BANK1: variants seen among roughly 807,000 people sequenced by gnomAD.
BANK1 encodes the protein B-cell scaffold protein with ankyrin repeats.
A neutral mutation model predicts 94.5 loss-of-function variants in BANK1; 95 were observed. The observed-to-expected ratio is 1.00, with a 90% CI of 0.85 to 1.19. BANK1 has a LOEUF of 1.19. BANK1 is among the 50% of genes most tolerant of loss of function. The probability of loss-of-function intolerance (pLI) is 0.00; values close to 1 mark genes in which losing one functional copy is unlikely to be tolerated. For missense variants in BANK1, 987 were observed against 932.2 expected, an observed-to-expected ratio of 1.06 and a Z score of -0.77; for synonymous variants, 334 against 308.4, an observed-to-expected ratio of 1.08 and a Z score of -0.87.
chr4:101,960,786 G>A (rs1311868449), intron 7 of BANK1, among the ~76,000 whole-genome samples: 1 of 151,538 alleles, frequency 6.6e-6, no homozygotes, highest in African/African-American at 2.4e-5. Flanking sequence ...TTAAGTAACT[G>A]TTCAATTAAT....
chr4:101,867,364 A>G (rs1159141937), intron 4 of BANK1, among the ~76,000 whole-genome samples: 2 of 152,052 alleles, frequency 1.3e-5, no homozygotes, highest in Non-Finnish European at 2.9e-5. Context: ...AAACAGAAAA[A>G]TGAAGGAGTT....
intron 1 of BANK1, among the ~76,000 whole-genome samples, chr4:101,791,179 T>G (rs1273866333): frequency 1.4e-5 from 2 of 148,106 alleles, no homozygotes; most frequent in African/African-American, 4.9e-5. Flanking sequence ...CTGGGAGTTC[T>G]GGCCAGCGGG....
intron 7 of BANK1, among the ~76,000 whole-genome samples, chr4:101,963,536 A>G (rs183555850): frequency 1.3e-5 from 2 of 152,242 alleles, no homozygotes; most frequent in South Asian, 2.1e-4. Flanking sequence ...ACTGGGTATT[A>G]GTAGCCAGCT....
intron 7 of BANK1, among the ~76,000 whole-genome samples, chr4:101,941,052 A>G (rs530292467): frequency 2.4e-4 from 36 of 151,826 alleles, no homozygotes; most frequent in African/African-American, 8.7e-4. Context: ...GCAATCATTT[A>G]TTTATATCTG....
chr4:102,007,064 A>ATTTATATATATAAAT (rs1560681817), intron 7 of BANK1, among the ~76,000 whole-genome samples: 6 of 111,560 alleles, frequency 5.4e-5, no homozygotes, highest in African/African-American at 2.0e-4. Context: ...TAAAATATAT[A>ATTTATATATATAAAT]ATTTTATATA....
At chr4:101,817,697 A>G (rs61105961) in intron 1 of BANK1, among the ~76,000 whole-genome samples, 201 of 137,028 alleles carry the variant, frequency 1.5e-3, no homozygotes, top group African/African-American at 5.2e-3. Context: ...AAAAGTTGGA[A>G]ATAAAAAAAA....
intron 5 of BANK1, among the ~76,000 whole-genome samples, chr4:101,889,604 CAAAAAAAAAAAAAAA>C (rs59341810): frequency 3.6e-5 from 2 of 54,926 alleles, no homozygotes; most frequent in East Asian, 1.2e-3. Context: ...GACTCCGTCT[CAAAAAAAAAAAAAAA>C]AAAAAAAAAG....
intron 1 of BANK1, among the ~76,000 whole-genome samples, chr4:101,809,376 G>T (rs1398078961): frequency 6.6e-6 from 1 of 152,054 alleles, no homozygotes; most frequent in East Asian, 1.9e-4. Context: ...AGGGATAAAA[G>T]ACTACATATT....
At chr4:102,060,637 T>C (rs1332225767) in intron 12 of BANK1, among the ~76,000 whole-genome samples, 1 of 152,218 alleles carries the variant, frequency 6.6e-6, no homozygotes, top group Non-Finnish European at 1.5e-5. Flanking sequence ...AATACCTGTC[T>C]TTAGTAGAGT....
chr4:101,886,485 A>G (rs1302959301), intron 5 of BANK1, among the ~76,000 whole-genome samples: 1 of 152,238 alleles, frequency 6.6e-6, no homozygotes, highest in Middle Eastern at 3.2e-3. Flanking sequence ...TCATTTATAG[A>G]AAGCATTTTT....
intron 6 of BANK1, among the ~76,000 whole-genome samples, chr4:101,898,115 AC>A (rs1722154723): frequency 6.6e-6 from 1 of 151,942 alleles, no homozygotes; most frequent in East Asian, 1.9e-4. Context: ...AATCTCCATA[AC>A]ATTAAGCTCT....
At chr4:101,873,150 G>A (rs181868009) in intron 5 of BANK1, among the ~76,000 whole-genome samples, 2 of 152,132 alleles carry the variant, frequency 1.3e-5, no homozygotes, top group Admixed American at 6.5e-5. Context: ...TTTGCCCGTG[G>A]TTCACTCTGA....
At chr4:101,946,678 A>G (rs1284940643) in intron 7 of BANK1, among the ~76,000 whole-genome samples, 1 of 152,016 alleles carries the variant, frequency 6.6e-6, no homozygotes, top group East Asian at 1.9e-4. Context: ...ATATCTGGTC[A>G]TTAAAACATA....
At chr4:101,955,032 C>T (rs1342123552) in intron 7 of BANK1, among the ~76,000 whole-genome samples, 1 of 152,058 alleles carries the variant, frequency 6.6e-6, no homozygotes, top group African/African-American at 2.4e-5. Flanking sequence ...AGATTATGTT[C>T]ATGTGTTAGT....
At chr4:101,861,662 G>C (rs1342134268) in intron 3 of BANK1, among the ~76,000 whole-genome samples, 2 of 151,454 alleles carry the variant, frequency 1.3e-5, no homozygotes, top group Non-Finnish European at 3.0e-5. Context: ...CATTTATTTT[G>C]GTATGTGTAT....
chr4:101,966,483 G>A (rs759335756), intron 7 of BANK1, among the ~76,000 whole-genome samples: 3 of 151,960 alleles, frequency 2.0e-5, no homozygotes, highest in Non-Finnish European at 2.9e-5. Context: ...ATAGAGTATG[G>A]TTAGTGCAAT....
intron 7 of BANK1, among the ~76,000 whole-genome samples, chr4:101,951,945 G>A (rs1488372782): frequency 2.0e-5 from 3 of 151,946 alleles, no homozygotes; most frequent in East Asian, 1.9e-4. Context: ...CTCAGTTATA[G>A]CAAGCAAATG....
chr4:102,016,696 G>A (rs956033899), intron 7 of BANK1, among the ~76,000 whole-genome samples: 2 of 152,098 alleles, frequency 1.3e-5, no homozygotes, highest in African/African-American at 4.8e-5. Context: ...TAACATTTGT[G>A]ATTTACTTAA....
intron 7 of BANK1, among the ~76,000 whole-genome samples, chr4:101,971,833 C>T (rs976321559): frequency 3.3e-5 from 5 of 152,026 alleles, no homozygotes; most frequent in African/African-American, 1.2e-4. Flanking sequence ...TGTTCTGTTC[C>T]ATTCGTTGAT....
Sources: gnomAD v4.1 joint callset for allele counts (sites outside exome capture counted in the v4.1 genomes callset) on GRCh38, gnomAD v4.1.1 for gene constraint, MANE v1.5 for transcripts, NCBI Gene and HGNC (gene_info 2026-07-23, HGNC 2026-07-21) for gene names.